TRMT9B: variants seen among roughly 807,000 people sequenced by gnomAD.
TRMT9B encodes tRNA methyltransferase 9B (putative), also known as probable tRNA methyltransferase 9B.
TRMT9B carries 16 observed loss-of-function variants against 11.5 expected under a neutral mutation model. The observed-to-expected ratio is 1.39, with a 90% CI of 0.94 to 2.11. The LOEUF is 2.11. TRMT9B is among the 30% of genes most tolerant of loss of function. TRMT9B has a pLI of 0.00. For missense variants in TRMT9B, 941 were observed against 553.8 expected (o/e 1.70, Z -7.02); for synonymous variants, 274 against 192.4 (o/e 1.42, Z -3.51).
At chr8:12,953,386 A>G (rs183408685) in intron 1 of TRMT9B, among the ~76,000 whole-genome samples, 33 of 152,220 alleles carry the variant, frequency 2.2e-4, no homozygotes, top group African/African-American at 6.3e-4. Context: ...GCCTCACTCT[A>G]TCGCCTAGGC....
At chr8:12,953,068 G>A (rs957738214) in intron 1 of TRMT9B, among the ~76,000 whole-genome samples, 3 of 152,124 alleles carry the variant, frequency 2.0e-5, no homozygotes, top group African/African-American at 7.2e-5. Context: ...GGTTCTTTGT[G>A]ATAAATGATG....
intron 2 of TRMT9B, among the ~76,000 whole-genome samples, chr8:13,005,795 G>A (rs1475909120): frequency 6.6e-5 from 10 of 152,158 alleles, no homozygotes; most frequent in East Asian, 5.8e-4. Flanking sequence ...AGAATTAATA[G>A]CGCTTTGCTA....
At chr8:13,020,953 G>A (rs1053720288) in intron 4 of TRMT9B, 55 bp from the exon 5 acceptor site, 25 of 1,190,006 alleles carry the variant, frequency 2.1e-5, no homozygotes, top group African/African-American at 1.7e-4. Context: ...CAGTGTATAC[G>A]TGTGTGGGTT....
At chr8:12,989,242 G>A (rs1014863702) in intron 1 of TRMT9B, among the ~76,000 whole-genome samples, 1 of 152,104 alleles carries the variant, frequency 6.6e-6, no homozygotes, top group Admixed American at 6.6e-5. Context: ...AAGAAGAAAT[G>A]TGTTTCTTTC....
At position 12,949,895 on chromosome 8, in the gene TRMT9B, C is replaced by CA. The variant is rs559664371; in HGVS notation, c.-200+3930dup. On this transcript the variant is annotated intron_variant, in intron 1 of 4. Coordinates refer to ENST00000524591, the MANE Select transcript of TRMT9B (RefSeq NM_020844.3). Reference sequence around the variant, plus strand: ...ATTTTGAGATAGGTTCTCTGTCACCCAGGCTGGAATGCAGTGGTGCAAGCA... The same window carrying CA: ...ATTTTGAGATAGGTTCTCTGTCACCCAAGGCTGGAATGCAGTGGTGCAAGCA... Among the ~76,000 whole-genome samples the CA allele has an allele frequency of 7.2e-4, 109 of 152,202 alleles. 1 individual carries two copies. The highest frequency in any genetic ancestry group is 2.5e-3 in the African/African-American group (102 of 41,540).
chr8:12,961,157 A>C (rs1802049154), intron 1 of TRMT9B, among the ~76,000 whole-genome samples: 1 of 152,078 alleles, frequency 6.6e-6, no homozygotes, highest in Non-Finnish European at 1.5e-5. Flanking sequence ...ACAAACAAAC[A>C]AAAAACTATT....
At chr8:12,947,812 G>C (rs1173517158) in intron 1 of TRMT9B, among the ~76,000 whole-genome samples, 1 of 152,192 alleles carries the variant, frequency 6.6e-6, no homozygotes, top group Non-Finnish European at 1.5e-5. Flanking sequence ...TAGTCCACAG[G>C]ACATGCTAGA....
At chr8:13,016,628 ATAT>A (rs1170537381) in intron 4 of TRMT9B, among the ~76,000 whole-genome samples, 10 of 151,782 alleles carry the variant, frequency 6.6e-5, no homozygotes, top group Non-Finnish European at 1.5e-4. Flanking sequence ...AGAAAAAGAA[ATAT>A]TGTTGTACTT....
intron 4 of TRMT9B, among the ~76,000 whole-genome samples, chr8:13,015,263 G>T (rs1043511614): frequency 6.6e-6 from 1 of 150,852 alleles, no homozygotes; most frequent in South Asian, 2.1e-4. Flanking sequence ...TGTTTTTTTA[G>T]ATGTCTTGTT....
chr8:13,011,645 A>G (rs1253387507), intron 3 of TRMT9B: 15 of 977,772 alleles, frequency 1.5e-5, no homozygotes, highest in Non-Finnish European at 1.8e-5. Context: ...TACCTCAATC[A>G]TAACATCAGT....
intron 2 of TRMT9B, among the ~76,000 whole-genome samples, chr8:12,999,350 G>A (rs1808966366): frequency 6.6e-6 from 1 of 151,486 alleles, no homozygotes; most frequent in African/African-American, 2.4e-5. Flanking sequence ...TGTTCAGGGT[G>A]GGAGAAGATG....
intron 1 of TRMT9B, among the ~76,000 whole-genome samples, chr8:12,961,126 T>G (rs1802045315): frequency 6.6e-6 from 1 of 151,604 alleles, no homozygotes. Context: ...GGTGACAGAG[T>G]GAGACTCCAT....
chr8:12,961,160 A>G (rs1802049639), intron 1 of TRMT9B, among the ~76,000 whole-genome samples: 1 of 151,966 alleles, frequency 6.6e-6, no homozygotes, highest in Non-Finnish European at 1.5e-5. Flanking sequence ...AACAAACAAA[A>G]AACTATTCTG....
At chr8:13,018,100 A>AT (rs1263151657) in intron 4 of TRMT9B, among the ~76,000 whole-genome samples, 1 of 147,562 alleles carries the variant, frequency 6.8e-6, no homozygotes, top group African/African-American at 2.6e-5. Context: ...GACTTTCTTA[A>AT]AAAAAAAAAA....
At chr8:13,003,970 A>T (rs561623966) in intron 2 of TRMT9B, among the ~76,000 whole-genome samples, 1 of 151,802 alleles carries the variant, frequency 6.6e-6, no homozygotes, top group East Asian at 1.9e-4. Context: ...AGCCATGTGC[A>T]TGCAGAGAGA....
intron 3 of TRMT9B, among the ~76,000 whole-genome samples, chr8:13,007,996 T>G (rs1810816810): frequency 6.6e-6 from 1 of 152,240 alleles, no homozygotes; most frequent in Non-Finnish European, 1.5e-5. Flanking sequence ...TACTTACATT[T>G]CATATATGTA....
In TRMT9B at chr8:13,029,183, CTTTTG is replaced by C. The variant is rs1484785509; in HGVS notation, c.*7143_*7147del. 3.8e-5 allele frequency: 6 copies of C among 158,442 alleles called. No homozygotes were observed. The highest frequency in any genetic ancestry group is 1.4e-4 in the Admixed American group (2 of 14,578). The allele number at this position is 158,442 out of a possible 1,614,324, so 9.8% of individuals were successfully genotyped here. A position where few individuals can be genotyped will look rare whatever the true frequency, so the allele number is the denominator to read the frequency against. On this transcript the variant is annotated 3_prime_UTR_variant, in exon 5 of 5. Transcript: ENST00000524591. ...GAAATGTATTTCATTGAATAAATAG[CTTTTG>C]TTTGTTTGTTTGTTTGTTTCAGGGA...
rs879271180 is a variant in TRMT9B, at chr8:13,028,250, A to T, written c.*6206A>T. 1.2e-5 allele frequency: 2 copies of T among 167,098 alleles called. No homozygotes were observed. The highest frequency in any genetic ancestry group is 2.9e-5 in the Non-Finnish European group (2 of 68,126). 10.4% of individuals were successfully genotyped at this position (167,098 alleles called of 1,614,324 possible). ...ATTTGGGAGGGATTGGAGCTATAGA[A>T]TAATCTATCTTACCAATCTGATGGA... On this transcript the variant is annotated 3_prime_UTR_variant, in exon 5 of 5. Transcript: ENST00000524591.
intron 3 of TRMT9B, chr8:13,010,546 G>A: frequency 3.0e-6 from 3 of 984,860 alleles, no homozygotes; most frequent in Non-Finnish European, 3.6e-6. Context: ...AAACATGAAG[G>A]CCATTAGAAA....
Sources: allele counts gnomAD v4.1 joint callset (sites outside exome capture counted in the v4.1 genomes callset), GRCh38; gene constraint gnomAD v4.1.1; transcripts MANE v1.5; gene names NCBI Gene and HGNC (gene_info 2026-07-23, HGNC 2026-07-21).